TEKT5: variants seen among roughly 807,000 people sequenced by gnomAD.
TEKT5 encodes the protein tektin 5.
Under a neutral mutation model 48.7 loss-of-function variants are expected in TEKT5, and 52 were observed. The ratio of observed to expected loss-of-function variants is 1.07; its 90% CI spans 0.86 to 1.35. TEKT5 has a LOEUF of 1.35. Among genes scored for constraint, TEKT5 ranks in the 40% most tolerant of loss-of-function variants. TEKT5 has a pLI of 0.00. For missense variants in TEKT5, 831 were observed against 641.6 expected, an observed-to-expected ratio of 1.30 and a Z score of -3.19; for synonymous variants, 318 against 267.6, an observed-to-expected ratio of 1.19 and a Z score of -1.84.
At chr16:10,643,627 G>A (rs986584109) in intron 5 of TEKT5, among the ~76,000 whole-genome samples, 2 of 152,110 alleles carry the variant, frequency 1.3e-5, no homozygotes, top group Admixed American at 1.3e-4. Context: ...TGAAGACTTA[G>A]CACAAGAAAA....
At chr16:10,674,867 G>C (rs1423692437) in intron 5 of TEKT5, among the ~76,000 whole-genome samples, 1 of 151,298 alleles carries the variant, frequency 6.6e-6, no homozygotes, top group African/African-American at 2.4e-5. Flanking sequence ...CTGTCACCCA[G>C]GTTGGAGTGC....
intron 5 of TEKT5, among the ~76,000 whole-genome samples, chr16:10,661,689 G>T (rs1019836763): frequency 6.6e-6 from 1 of 152,142 alleles, no homozygotes; most frequent in African/African-American, 2.4e-5. Context: ...GCGGAGTGAG[G>T]AGAGGCCAGT....
intron 5 of TEKT5, among the ~76,000 whole-genome samples, chr16:10,673,635 G>A (rs892592934): frequency 1.4e-5 from 2 of 140,066 alleles, no homozygotes; most frequent in East Asian, 4.4e-4. Context: ...CCTAACCACT[G>A]CACCCATTCT....
chr16:10,664,679 G>T (rs951519034), intron 5 of TEKT5, among the ~76,000 whole-genome samples: 2 of 152,232 alleles, frequency 1.3e-5, no homozygotes, highest in African/African-American at 4.8e-5. Flanking sequence ...CTTCTCACTT[G>T]TTCCTCACAG....
At chr16:10,679,789 C>A (rs188009992) in intron 4 of TEKT5, among the ~76,000 whole-genome samples, 9 of 152,230 alleles carry the variant, frequency 5.9e-5, no homozygotes, top group Admixed American at 2.0e-4. Context: ...CCCAGCTACT[C>A]AGGAGGCTGA....
At chr16:10,628,198 G>C (rs1161247444) in intron 6 of TEKT5, among the ~76,000 whole-genome samples, 1 of 152,184 alleles carries the variant, frequency 6.6e-6, no homozygotes, top group Non-Finnish European at 1.5e-5. Context: ...ACTGGGAACT[G>C]TGCCTGGCAC....
chr16:10,690,504 G>A (rs1898950773), intron 1 of TEKT5: 1 of 912,732 alleles, frequency 1.1e-6, no homozygotes, highest in South Asian at 5.0e-5. Context: ...CTGCAGATGG[G>A]TGCCATATTG....
intron 5 of TEKT5, among the ~76,000 whole-genome samples, chr16:10,659,407 C>T (rs71381166): frequency 0.12 from 17,592 of 152,056 alleles, 1,897 homozygotes; most frequent in African/African-American, 0.28. Flanking sequence ...TGAGATGGAG[C>T]CTCGCTTTGT....
chr16:10,682,648 G>A (rs915423524), intron 3 of TEKT5, among the ~76,000 whole-genome samples: 1 of 152,194 alleles, frequency 6.6e-6, no homozygotes, highest in Non-Finnish European at 1.5e-5. Flanking sequence ...TTTAGAAGAA[G>A]GATGGGTAAG....
In TEKT5 at chr16:10,682,002, A is replaced by G. The variant is rs1225583094; in HGVS notation, c.854T>C (p.Ile285Thr). 1.2e-6 allele frequency: 2 copies of G among 1,613,834 alleles called. No homozygotes were observed. Among genetic ancestry groups the G allele is most frequent in the South Asian group, 1.1e-5 (1 of 91,042 alleles). The change falls in exon 4 of 7, where the codon ATT (isoleucine) becomes ACT (threonine). Residue 285 changes from isoleucine (I) to threonine (T), a missense_variant. Transcript: ENST00000283025. ...CISFFHGMEKIDGTISVPETW... is the reference protein window; with the variant it reads ...CISFFHGMEKTDGTISVPETW... ...GGAGTCTGATACTTACGTGCCGTCAATTTTCTCCATGCCGTGGAAGAAGCT... is the reference window on the plus strand; with the variant it reads ...GGAGTCTGATACTTACGTGCCGTCAGTTTTCTCCATGCCGTGGAAGAAGCT...
intron 5 of TEKT5, among the ~76,000 whole-genome samples, chr16:10,649,929 C>T (rs758552057): frequency 6.6e-6 from 1 of 152,142 alleles, no homozygotes; most frequent in Admixed American, 6.5e-5. Flanking sequence ...TCCTACGGAG[C>T]CTGTTCCTAC....
chr16:10,638,447 G>C (rs1642123889), intron 5 of TEKT5, among the ~76,000 whole-genome samples: 2 of 151,624 alleles, frequency 1.3e-5, no homozygotes, highest in South Asian at 4.1e-4. Context: ...GACTCAGCAG[G>C]ACACAATGGT....
At chr16:10,658,932 G>T (rs1181567830) in intron 5 of TEKT5, among the ~76,000 whole-genome samples, 1 of 152,082 alleles carries the variant, frequency 6.6e-6, no homozygotes. Context: ...TGGTCAGGCT[G>T]GTCTCGAACT....
intron 5 of TEKT5, among the ~76,000 whole-genome samples, chr16:10,647,333 G>A (rs898591406): frequency 1.3e-5 from 2 of 151,904 alleles, no homozygotes; most frequent in Non-Finnish European, 2.9e-5. Context: ...TAAGCCGGGC[G>A]TGGTGGTGCA....
At chr16:10,684,176 G>C (rs1039819994) in intron 3 of TEKT5, among the ~76,000 whole-genome samples, 7 of 152,162 alleles carry the variant, frequency 4.6e-5, no homozygotes, top group Admixed American at 1.3e-4. Flanking sequence ...GTGTTTAGAA[G>C]AATTGTTAGA....
chr16:10,663,418 A>G (rs1239003417), intron 5 of TEKT5, among the ~76,000 whole-genome samples: 1 of 152,208 alleles, frequency 6.6e-6, no homozygotes, highest in Admixed American at 6.5e-5. Flanking sequence ...TGTTTTCCAA[A>G]TTGCATGAAG....
chr16:10,646,855 A>G (rs1898078272), intron 5 of TEKT5, among the ~76,000 whole-genome samples: 1 of 152,174 alleles, frequency 6.6e-6, no homozygotes, highest in Non-Finnish European at 1.5e-5. Flanking sequence ...ACATTATCCC[A>G]TAAGAATGTT....
intron 3 of TEKT5, among the ~76,000 whole-genome samples, chr16:10,688,793 C>T (rs1898911033): frequency 6.6e-6 from 1 of 152,330 alleles, no homozygotes; most frequent in East Asian, 1.9e-4. Context: ...TGGCTCAATG[C>T]GTCCACCAGC....
At chr16:10,682,562 A>C (rs1055472776) in intron 3 of TEKT5, among the ~76,000 whole-genome samples, 2 of 152,198 alleles carry the variant, frequency 1.3e-5, no homozygotes, top group Non-Finnish European at 2.9e-5. Flanking sequence ...TCCTAGGCTC[A>C]AGTGATCCCC....
Sources: gnomAD v4.1 joint callset for allele counts (sites outside exome capture counted in the v4.1 genomes callset) on GRCh38, gnomAD v4.1.1 for gene constraint, MANE v1.5 for transcripts, NCBI Gene and HGNC (gene_info 2026-07-23, HGNC 2026-07-21) for gene names.